The following CACNB2 variants were observed in gnomAD, a reference collection of about 807,000 sequenced individuals.
CACNB2 encodes calcium voltage-gated channel auxiliary subunit beta 2.
A neutral mutation model predicts 73.3 loss-of-function variants in CACNB2; 42 were observed. That is an observed-to-expected ratio of 0.57 (90% CI 0.45 to 0.74). The LOEUF is 0.74. Ranked by LOEUF, CACNB2 falls within the 30% of genes least tolerant of loss-of-function variation. CACNB2 has a pLI of 0.00. For missense variants in CACNB2, 940 were observed against 853.0 expected (o/e 1.10, Z -1.27); for synonymous variants, 348 against 310.3 (o/e 1.12, Z -1.28).
chr10:18,263,342 G>C (rs1279477332), intron 2 of CACNB2, among the ~76,000 whole-genome samples: 1 of 152,186 alleles, frequency 6.6e-6, no homozygotes, highest in Non-Finnish European at 1.5e-5. Flanking sequence ...CCCCTATGTG[G>C]TACTGGTGGT....
rs530486459 is a variant in CACNB2 at position 18,398,262 on chromosome 10, A to G, written c.214-3662A>G. On this transcript the variant is annotated intron_variant, in intron 2 of 13. Transcript: ENST00000324631. ...ACTTTCAAACATGCAACAGCTTCAGATACTGAAACATGCTACTATTTAACT... is the reference window on the plus strand; with the variant it reads ...ACTTTCAAACATGCAACAGCTTCAGGTACTGAAACATGCTACTATTTAACT... Among the ~76,000 whole-genome samples, 6 of 152,366 alleles carry G rather than the reference A, an allele frequency of 3.9e-5. No individual in the cohort carries two copies. In the East Asian group the frequency reaches 1.2e-3, roughly 29 times the overall value.
chr10:18,495,610 A>G (rs2049762653), intron 3 of CACNB2, among the ~76,000 whole-genome samples: 1 of 133,678 alleles, frequency 7.5e-6, no homozygotes, highest in Admixed American at 7.6e-5. Flanking sequence ...ATGAGGTCTC[A>G]CTTTGTTGCC....
rs73601548 is a variant in CACNB2, at chr10:18,260,960, C to T, written c.213+109985C>T. The T allele has an allele frequency of 0.11, 147,078 of 1,302,574 alleles. 8,732 individuals carry two copies. Among genetic ancestry groups the T allele is most frequent in the African/African-American group, 0.18 (11,667 of 66,462 alleles). The allele number at this position is 1,302,574 out of a possible 1,614,324, so 80.7% of individuals were successfully genotyped here. A position where few individuals can be genotyped will look rare whatever the true frequency, so the allele number is the denominator to read the frequency against. On this transcript the variant is annotated intron_variant, in intron 2 of 13. Coordinates refer to ENST00000324631, the MANE Select transcript of CACNB2 (RefSeq NM_201596.3). ...CTGGACAGTCCTAACTCTGTGTTAG[C>T]AATACTTACTTCCGGAAAATTAATG...
chr10:18,400,978 T>G, intron 2 of CACNB2: 1 of 1,613,284 alleles, frequency 6.2e-7, no homozygotes, highest in Non-Finnish European at 8.5e-7. Flanking sequence ...CAGCGCGCAC[T>G]GAGAACCTGT....
intron 3 of CACNB2, among the ~76,000 whole-genome samples, chr10:18,448,599 C>G (rs571509927): frequency 1.3e-5 from 2 of 152,160 alleles, no homozygotes; most frequent in African/African-American, 4.8e-5. Flanking sequence ...GCCCCAGAGT[C>G]TCTGTTCATC....
chr10:18,251,564 T>G (rs1311116764), intron 2 of CACNB2, among the ~76,000 whole-genome samples: 1 of 152,188 alleles, frequency 6.6e-6, no homozygotes, highest in Non-Finnish European at 1.5e-5. Context: ...CTTAAGTCTG[T>G]TTCCTCATTT....
intron 3 of CACNB2, among the ~76,000 whole-genome samples, chr10:18,454,032 G>T (rs1180746822): frequency 6.6e-6 from 1 of 152,170 alleles, no homozygotes; most frequent in Non-Finnish European, 1.5e-5. Context: ...AACAAGCCCA[G>T]CGCCTTTCCC....
chr10:18,527,501 T>C (rs1310906116), intron 9 of CACNB2, 87 bp from the exon 10 acceptor site: 6 of 815,548 alleles, frequency 7.4e-6, no homozygotes, highest in East Asian at 2.4e-5. Context: ...ATATATTTCA[T>C]ACTTAGATGA....
chr10:18,362,596 T>C (rs1048095391), intron 2 of CACNB2, among the ~76,000 whole-genome samples: 1 of 152,232 alleles, frequency 6.6e-6, no homozygotes, highest in Non-Finnish European at 1.5e-5. Flanking sequence ...GGGTGATCAA[T>C]TTTTTAAGTC....
Position 18,519,819 on chromosome 10 carries a change from C to G in CACNB2, c.944+851C>G, listed in dbSNP as rs1201541266. 1.1e-5 allele frequency: 5 copies of G among 446,210 alleles called. No homozygotes were observed. In the East Asian group the frequency reaches 2.8e-4, roughly 25 times the overall value. The allele number at this position is 446,210 out of a possible 1,614,324, so 27.6% of individuals were successfully genotyped here. On this transcript the variant is annotated intron_variant, in intron 9 of 13. Transcript: ENST00000324631. ...CACCACTCAGCTAAACTAGTCATGT[C>G]AAGATCACCCATGACCTTCACATTG...
chr10:18,150,185 A>G (rs772710692), intron 1 of CACNB2, among the ~76,000 whole-genome samples: 1 of 152,222 alleles, frequency 6.6e-6, no homozygotes, highest in Non-Finnish European at 1.5e-5. Flanking sequence ...AAGCAAGTTC[A>G]TTTTTAGATG....
intron 2 of CACNB2, among the ~76,000 whole-genome samples, chr10:18,291,186 C>T (rs1255946140): frequency 2.6e-5 from 4 of 152,156 alleles, no homozygotes; most frequent in Non-Finnish European, 4.4e-5. Flanking sequence ...TGAAACTGAG[C>T]CCTGAATTAT....
At chr10:18,159,161 G>A (rs1267341495) in intron 2 of CACNB2, among the ~76,000 whole-genome samples, 4 of 152,002 alleles carry the variant, frequency 2.6e-5, no homozygotes, top group African/African-American at 9.7e-5. Flanking sequence ...ATGCTAAGAG[G>A]ATGACTGCCA....
intron 2 of CACNB2, among the ~76,000 whole-genome samples, chr10:18,283,561 A>G (rs1014808595): frequency 5.9e-5 from 9 of 151,938 alleles, no homozygotes; most frequent in African/African-American, 9.7e-5. Context: ...TGAGCAAACT[A>G]TCTCAAAGAC....
chr10:18,456,444 A>G (rs1293534790), intron 3 of CACNB2, among the ~76,000 whole-genome samples: 1 of 152,186 alleles, frequency 6.6e-6, no homozygotes, highest in South Asian at 2.1e-4. Flanking sequence ...AGCCTGGATG[A>G]CAGAGCAAGA....
chr10:18,188,199 C>T (rs1483497796), intron 2 of CACNB2, among the ~76,000 whole-genome samples: 2 of 151,932 alleles, frequency 1.3e-5, no homozygotes, highest in Non-Finnish European at 2.9e-5. Flanking sequence ...CTCCTTCCTT[C>T]CTGCCTTCCT....
chr10:18,197,218 C>T lies in CACNB2; in HGVS notation c.213+46243C>T, dbSNP rs531576826. On this transcript the variant is annotated intron_variant, in intron 2 of 13. Transcript: ENST00000324631. ...TCTAGCACCTAGCATTTGGGCCTGG[C>T]CCACAGGGAACACTCAGTAAATGCT... is the stretch of plus-strand genomic sequence containing the variant. 8.5e-5 allele frequency among the ~76,000 whole-genome samples: 13 copies of T among 152,286 alleles called. No individual in the cohort carries two copies. The South Asian group carries it at 2.3e-3, about 27-fold the overall frequency.
At chr10:18,215,057 C>T (rs1444970111) in intron 2 of CACNB2, among the ~76,000 whole-genome samples, 1 of 151,766 alleles carries the variant, frequency 6.6e-6, no homozygotes, top group Non-Finnish European at 1.5e-5. Flanking sequence ...AAGTGCTGAA[C>T]CCACTGTGCA....
intron 2 of CACNB2, among the ~76,000 whole-genome samples, chr10:18,219,000 C>G (rs1458369695): frequency 6.6e-6 from 1 of 152,098 alleles, no homozygotes; most frequent in Non-Finnish European, 1.5e-5. Flanking sequence ...CCTGTCTCTA[C>G]AAAAAAATTT....
Sources: gnomAD v4.1 joint callset for allele counts (sites outside exome capture counted in the v4.1 genomes callset) on GRCh38, gnomAD v4.1.1 for gene constraint, MANE v1.5 for transcripts, NCBI Gene and HGNC (gene_info 2026-07-23, HGNC 2026-07-21) for gene names.